The following ZNF468 variants were observed in gnomAD, a reference collection of about 807,000 sequenced individuals.
The protein encoded by ZNF468 is zinc finger protein 468, also known as zinc finger protein ZNF468.
A neutral mutation model predicts 7.2 loss-of-function variants in ZNF468; 8 were observed. That is an observed-to-expected ratio of 1.11 (90% CI 0.65 to 2.01). The LOEUF (loss-of-function observed/expected upper bound fraction) is 2.01, where lower values mean the gene tolerates loss of function less well. ZNF468 is among the 30% of genes most tolerant of loss of function. The pLI is 0.00. For missense variants in ZNF468, 608 were observed against 626.5 expected (o/e 0.97, Z 0.31); for synonymous variants, 218 against 214.4 (o/e 1.02, Z -0.15).
Position 52,841,410 on chromosome 19 carries a change from C to G in ZNF468, c.884G>C (p.Gly295Ala). Residue 295 changes from glycine (G) to alanine (A), a missense_variant, in exon 4 of 4, where the codon GGA (glycine) becomes GCA (alanine). Physicochemically the swap from Gly to Ala is moderately conservative, Grantham distance 60 (BLOSUM62 0). Transcript: ENST00000595646. Reference protein sequence around the residue: ...SLFIHKALHTGEKPYECEECD... With the variant: ...SLFIHKALHTAEKPYECEECD... ...TTCTTCACATTCATAAGGTTTCTCT[C>G]CAGTATGAAGCGCTTTGTGAATGAA... 1 of 1,614,014 alleles carries G rather than the reference C, an allele frequency of 6.2e-7. No individual in the cohort carries two copies. Among genetic ancestry groups the G allele is most frequent in the East Asian group, 2.2e-5 (1 of 44,858 alleles).
chr19:52,842,874 A>G (rs2063316671), intron 3 of ZNF468, among the ~76,000 whole-genome samples: 1 of 147,386 alleles, frequency 6.8e-6, no homozygotes, highest in Non-Finnish European at 1.5e-5. Context: ...CTCTAATCCC[A>G]GTAACTCCGG....
At chr19:52,855,549 G>A (rs1242769733) in intron 1 of ZNF468, among the ~76,000 whole-genome samples, 9 of 152,212 alleles carry the variant, frequency 5.9e-5, no homozygotes, top group African/African-American at 1.2e-4. Flanking sequence ...TGGGGAACAC[G>A]GGAAGCAGGT....
At chr19:52,846,263 G>A (rs1174381822) in intron 3 of ZNF468, among the ~76,000 whole-genome samples, 2 of 152,056 alleles carry the variant, frequency 1.3e-5, no homozygotes, top group Non-Finnish European at 2.9e-5. Flanking sequence ...GCGATGGTGT[G>A]TTATCAGCTC....
chr19:52,838,010 T>C lies in ZNF468; in HGVS notation c.*2715A>G, dbSNP rs184469202. ...TCAAACTAGACCCTGTTCAGACATG[T>C]TATAACAGATTTGTGCCAGTTTATT... is the stretch of plus-strand genomic sequence containing the variant. On this transcript the variant is annotated 3_prime_UTR_variant, in exon 4 of 4. Transcript: ENST00000595646. The C allele has an allele frequency of 4.6e-5, 7 of 152,278 alleles. No individual in the cohort carries two copies. In the East Asian group the frequency reaches 9.7e-4, roughly 21 times the overall value. The allele number at this position is 152,278 out of a possible 1,614,324, so 9.4% of individuals were successfully genotyped here.
intron 2 of ZNF468, among the ~76,000 whole-genome samples, chr19:52,852,375 A>G (rs1327466708): frequency 6.6e-6 from 1 of 151,434 alleles, no homozygotes. Flanking sequence ...TCAAAAAAAT[A>G]AATTTTTACA....
chr19:52,845,620 C>A (rs775690865), intron 3 of ZNF468, among the ~76,000 whole-genome samples: 1 of 152,058 alleles, frequency 6.6e-6, no homozygotes, highest in Non-Finnish European at 1.5e-5. Flanking sequence ...GATCACACCA[C>A]TGCACTCCAG....
In ZNF468 at chr19:52,842,014, T is replaced by C; in HGVS notation, c.280A>G (p.Ile94Val). Residue 94 changes from isoleucine to valine, a missense_variant, in exon 4 of 4, where the codon ATT becomes GTT. Transcript: ENST00000595646. ...TTCCACTGAAACTCGAAGCCATGAA[T>C]GTCTTTCTCAATTTCATGGAAACAA... Reference protein sequence around the residue: ...EFCFHEIEKDIHGFEFQWKED... With the variant: ...EFCFHEIEKDVHGFEFQWKED... 3 of 1,614,032 alleles carry C rather than the reference T, an allele frequency of 1.9e-6. No homozygotes were observed. Among genetic ancestry groups the C allele is most frequent in the Non-Finnish European group, 2.5e-6 (3 of 1,179,944 alleles).
rs142006371 is a variant in ZNF468 at position 52,854,327 on chromosome 19, C to G, written c.-55G>C. On this transcript the variant is annotated 5_prime_UTR_variant, in exon 2 of 4. Transcript: ENST00000595646. ...TCTGGGTTTCTTTCTCACGTACCAA[C>G]AGTCTTTAGAAGTCAATCCTGAATG... 28 of 1,612,624 alleles carry G rather than the reference C, an allele frequency of 1.7e-5. No homozygotes were observed. The highest frequency in any genetic ancestry group is 4.0e-5 in the African/African-American group (3 of 75,004).
rs1349582342 is a variant in ZNF468, at chr19:52,842,154, A to G, written c.143-3T>C. On this transcript the variant is annotated splice_polypyrimidine_tract_variant and splice_region_variant and intron_variant, in intron 3 of 3. Coordinates refer to ENST00000595646, the MANE Select transcript of ZNF468 (RefSeq NM_001008801.2). ...CAACATGCATTTGGAAGAGATATCT[A>G]CAAAATTTAAACACCAATAGGTTTC... is the stretch of plus-strand genomic sequence containing the variant. The G allele has an allele frequency of 6.3e-7, 1 of 1,579,496 alleles. No individual in the cohort carries two copies.
chr19:52,852,290 C>T (rs550577659), intron 2 of ZNF468, among the ~76,000 whole-genome samples: 8 of 151,878 alleles, frequency 5.3e-5, no homozygotes, highest in Non-Finnish European at 1.0e-4. Context: ...CACTTGAACC[C>T]AGGAGGCAGA....
chr19:52,856,172 C>G (rs1016443879), intron 1 of ZNF468, among the ~76,000 whole-genome samples: 1 of 149,416 alleles, frequency 6.7e-6, no homozygotes, highest in Non-Finnish European at 1.5e-5. Context: ...ACCTTGAAAA[C>G]AGGGAAACAG....
chr19:52,847,491 G>T (rs1009959361), intron 3 of ZNF468, among the ~76,000 whole-genome samples: 1 of 150,634 alleles, frequency 6.6e-6, no homozygotes, highest in Non-Finnish European at 1.5e-5. Flanking sequence ...CTGAGGAGGA[G>T]TAGTGAAAGA....
intron 3 of ZNF468, among the ~76,000 whole-genome samples, chr19:52,845,790 A>C (rs1168593553): frequency 6.6e-6 from 1 of 152,152 alleles, no homozygotes; most frequent in Non-Finnish European, 1.5e-5. Flanking sequence ...AGATAACCTG[A>C]GGTTGGGAGT....
chr19:52,839,872 A>T lies in ZNF468; in HGVS notation c.*853T>A. On this transcript the variant is annotated 3_prime_UTR_variant, in exon 4 of 4. Coordinates refer to ENST00000595646, the MANE Select transcript of ZNF468 (RefSeq NM_001008801.2). ...AATTTGCCACATTTATTACACTTGTAAGATCTCTTCACTGTGGATTCTCCA... is the reference window on the plus strand; with the variant it reads ...AATTTGCCACATTTATTACACTTGTTAGATCTCTTCACTGTGGATTCTCCA... 1 of 731,448 alleles carries T rather than the reference A, an allele frequency of 1.4e-6. No homozygotes were observed. The highest frequency in any genetic ancestry group is 1.5e-5 in the South Asian group (1 of 68,816). The allele number at this position is 731,448 out of a possible 1,614,324, so 45.3% of individuals were successfully genotyped here.
rs2063299317 is a variant in ZNF468, at chr19:52,841,465, C to T, written c.829G>A (p.Gly277Ser). The T allele has an allele frequency of 1.2e-6, 2 of 1,613,972 alleles. No homozygotes were observed. The highest frequency in any genetic ancestry group is 1.7e-6 in the Non-Finnish European group (2 of 1,179,996). ...GEKPYKCNEC[G>S]KTFGHNSSLF... Reference sequence around the variant, plus strand: ...GATGAATTATGACCAAAGGTCTTGCCACACTCATTACACTTGTAAGGTTTC... The same window carrying T: ...GATGAATTATGACCAAAGGTCTTGCTACACTCATTACACTTGTAAGGTTTC... Residue 277 changes from glycine (G) to serine (S), a missense_variant, in exon 4 of 4, where the codon GGC becomes AGC. Transcript: ENST00000595646.
rs144234427 is a variant in ZNF468 at position 52,855,056 on chromosome 19, T to C, written c.-73-711A>G. ...AGCAGGGTGTGGTGGCACACACCTGTAATCTTAGCTACTTGGGAGGCTGAG... is the reference window on the plus strand; with the variant it reads ...AGCAGGGTGTGGTGGCACACACCTGCAATCTTAGCTACTTGGGAGGCTGAG... On this transcript the variant is annotated intron_variant, in intron 1 of 3. Coordinates refer to ENST00000595646, the MANE Select transcript of ZNF468 (RefSeq NM_001008801.2). Among the ~76,000 whole-genome samples the C allele has an allele frequency of 6.5e-3, 982 of 151,948 alleles. 7 individuals carry two copies. Among genetic ancestry groups the C allele is most frequent in the African/African-American group, 0.022 (929 of 41,438 alleles).
At position 52,840,978 on chromosome 19, in the gene ZNF468, T is replaced by C; in HGVS notation, c.1316A>G (p.Tyr439Cys). The C allele has an allele frequency of 1.2e-6, 2 of 1,614,038 alleles. No individual in the cohort carries two copies. The highest frequency in any genetic ancestry group is 2.2e-5 in the South Asian group (2 of 91,074). ...AGCCTTGTCACAAACCTTACATTTG[T>C]ATGGTTTCTCTCCAGTATGAATCCT... ...HRRIHTGEKP[Y>C]KCKVCDKAFQ... Residue 439 changes from tyrosine to cysteine, a missense_variant, in exon 4 of 4, where the codon TAC (tyrosine) becomes TGC (cysteine). Coordinates refer to ENST00000595646, the MANE Select transcript of ZNF468 (RefSeq NM_001008801.2).
chr19:52,849,278 G>A, intron 2 of ZNF468, 65 bp from the exon 3 acceptor site: 2 of 1,608,366 alleles, frequency 1.2e-6, no homozygotes, highest in South Asian at 2.2e-5. Context: ...CAAAAAATGA[G>A]AGGAGGAGAG....
intron 2 of ZNF468, 162 bp downstream of exon 2, chr19:52,854,096 G>A (rs534685832): frequency 1.4e-5 from 21 of 1,548,308 alleles, no homozygotes; most frequent in East Asian, 2.3e-5. Flanking sequence ...ACTGGGTCAC[G>A]AGAGACGGAA....
Sources: allele counts gnomAD v4.1 joint callset (sites outside exome capture counted in the v4.1 genomes callset), GRCh38; gene constraint gnomAD v4.1.1; transcripts MANE v1.5; gene names NCBI Gene and HGNC (gene_info 2026-07-23, HGNC 2026-07-21).